PTPN2: variants seen among roughly 807,000 people sequenced by gnomAD.
The protein encoded by PTPN2 is protein tyrosine phosphatase non-receptor type 2.
PTPN2 carries 19 observed loss-of-function variants against 57.3 expected under a neutral mutation model. The ratio of observed to expected loss-of-function variants is 0.33; its 90% confidence interval spans 0.23 to 0.49. The LOEUF (loss-of-function observed/expected upper bound fraction) is 0.49, where lower values mean the gene tolerates loss of function less well. Among genes scored for constraint, PTPN2 ranks in the 20% least tolerant of loss-of-function variants. PTPN2 has a pLI of 0.99. For synonymous variants in PTPN2, 153 were observed against 164.9 expected (o/e 0.93, Z 0.55); for missense variants, 358 against 501.1 (o/e 0.71, Z 2.73).
intron 2 of PTPN2, among the ~76,000 whole-genome samples, chr18:12,854,506 G>A (rs1014611204): frequency 6.6e-6 from 1 of 152,194 alleles, no homozygotes; most frequent in Non-Finnish European, 1.5e-5. Flanking sequence ...TTATAAACAT[G>A]GGGAAAAGGA....
chr18:12,875,931 C>G lies in PTPN2; in HGVS notation c.69+8142G>C, dbSNP rs542181337. Among the ~76,000 whole-genome samples the G allele has an allele frequency of 5.3e-5, 8 of 152,296 alleles. No homozygotes were observed. The South Asian group carries it at 1.7e-3, about 32-fold the overall frequency. Reference sequence around the variant, plus strand: ...AAAAGTAAAAAGGGCTTTTAAGATTCTGGTTGGCCAAGCACTGTGGCTCCC... The same window carrying G: ...AAAAGTAAAAAGGGCTTTTAAGATTGTGGTTGGCCAAGCACTGTGGCTCCC... On this transcript the variant is annotated intron_variant, in intron 1 of 8. Coordinates refer to ENST00000309660, the MANE Select transcript of PTPN2 (RefSeq NM_002828.4).
chr18:12,850,909 T>G (rs1396445686), intron 2 of PTPN2, among the ~76,000 whole-genome samples: 2 of 152,108 alleles, frequency 1.3e-5, no homozygotes, highest in Non-Finnish European at 2.9e-5. Flanking sequence ...CTGGCTAATC[T>G]TTGTATTTTT....
In PTPN2 at chr18:12,793,179, T is replaced by C. The variant is rs1397068446; in HGVS notation, c.*1099A>G. The C allele has an allele frequency of 3.0e-6, 3 of 985,052 alleles. No individual in the cohort carries two copies. Among genetic ancestry groups the C allele is most frequent in the Non-Finnish European group, 3.6e-6 (3 of 829,600 alleles). 61.0% of individuals were successfully genotyped at this position (985,052 alleles called of 1,614,324 possible). A position where few individuals can be genotyped will look rare whatever the true frequency, so the allele number is the denominator to read the frequency against. On this transcript the variant is annotated 3_prime_UTR_variant, in exon 9 of 9. Transcript: ENST00000309660. ...TGTTGAAATCTGAGGAAAGCTAGCA[T>C]TCAAATGAGCAGTTAAATTCATTAA...
Position 12,817,282 on chromosome 18 carries a change from G to A in PTPN2, c.579C>T (p.Leu193=), listed in dbSNP as rs2145317459. 6.2e-7 allele frequency: 1 copy of A among 1,614,138 alleles called. No homozygotes were observed. Among genetic ancestry groups the A allele is most frequent in the South Asian group, 1.1e-5 (1 of 91,082 alleles). The change falls in exon 6 of 9, where the codon CTC becomes CTT. Residue 193 remains leucine (L), a synonymous_variant. Transcript: ENST00000309660. ...FGVPESPASF[L]NFLFKVRESG... ...ATTCTCTCACTTTAAACAAGAAATT[G>A]AGAAATGAAGCTGGTGATTCAGGGA...
intron 1 of PTPN2, among the ~76,000 whole-genome samples, chr18:12,881,138 C>G (rs1395299801): frequency 1.3e-5 from 2 of 152,176 alleles, no homozygotes; most frequent in African/African-American, 2.4e-5. Flanking sequence ...ATCTTGCTAA[C>G]AAGTAAATAT....
At chr18:12,827,030 G>A (rs1157445627) in intron 4 of PTPN2, among the ~76,000 whole-genome samples, 1 of 152,026 alleles carries the variant, frequency 6.6e-6, no homozygotes, top group Non-Finnish European at 1.5e-5. Flanking sequence ...TCAAACTCTT[G>A]CAATAATTTT....
chr18:12,799,578 CTTCT>C (rs2041329870), intron 8 of PTPN2, among the ~76,000 whole-genome samples: 1 of 148,360 alleles, frequency 6.7e-6, no homozygotes, highest in African/African-American at 2.6e-5. Flanking sequence ...ATCCTATGCT[CTTCT>C]TTTACATTTT....
At chr18:12,811,366 G>C (rs1034709418) in intron 7 of PTPN2, among the ~76,000 whole-genome samples, 2 of 152,018 alleles carry the variant, frequency 1.3e-5, no homozygotes, top group African/African-American at 2.4e-5. Flanking sequence ...CTTATAGCTG[G>C]ACAACACTCA....
chr18:12,878,563 G>C (rs1392004050), intron 1 of PTPN2, among the ~76,000 whole-genome samples: 1 of 151,944 alleles, frequency 6.6e-6, no homozygotes, highest in African/African-American at 2.4e-5. Flanking sequence ...CCAGCTACTC[G>C]GGAGGCTGAG....
chr18:12,813,527 G>C (rs1301100129), intron 7 of PTPN2, among the ~76,000 whole-genome samples: 2 of 152,274 alleles, frequency 1.3e-5, no homozygotes, highest in East Asian at 1.9e-4. Context: ...TCAGAGAAAT[G>C]AAAGTGCTAG....
At chr18:12,877,420 A>C (rs979825422) in intron 1 of PTPN2, among the ~76,000 whole-genome samples, 8 of 152,212 alleles carry the variant, frequency 5.3e-5, no homozygotes, top group African/African-American at 1.9e-4. Context: ...GTAGGCATGG[A>C]GTATATCCAA....
Position 12,875,085 on chromosome 18 carries a change from T to C in PTPN2, c.69+8988A>G, listed in dbSNP as rs537923356. Among the ~76,000 whole-genome samples, 267 of 152,260 alleles carry C rather than the reference T, an allele frequency of 1.8e-3. 1 individual carries two copies. The highest frequency in any genetic ancestry group is 3.0e-3 in the Non-Finnish European group (201 of 68,028). ...GATTAAGGGCAGTGCAAGATGTGCT[T>C]TGTTAAACAGATGCTTGAAGGCAGC... On this transcript the variant is annotated intron_variant, in intron 1 of 8. Coordinates refer to ENST00000309660, the MANE Select transcript of PTPN2 (RefSeq NM_002828.4).
chr18:12,878,309 C>T (rs1181868517), intron 1 of PTPN2, among the ~76,000 whole-genome samples: 3 of 146,484 alleles, frequency 2.0e-5, no homozygotes, highest in African/African-American at 7.6e-5. Flanking sequence ...AAAGTGAGAC[C>T]CAGTCTCAAA....
chr18:12,816,960 G>C (rs2042096872), intron 6 of PTPN2, among the ~76,000 whole-genome samples, 196 bp downstream of exon 6: 1 of 152,026 alleles, frequency 6.6e-6, no homozygotes, highest in African/African-American at 2.4e-5. Flanking sequence ...AAATCATCAT[G>C]GATACATTCC....
At chr18:12,870,267 A>G (rs1329594042) in intron 1 of PTPN2, among the ~76,000 whole-genome samples, 9 of 96,352 alleles carry the variant, frequency 9.3e-5, no homozygotes, top group South Asian at 3.9e-4. Flanking sequence ...GCATATATAT[A>G]TATATGTATA....
chr18:12,851,738 A>T (rs778437085), intron 2 of PTPN2, among the ~76,000 whole-genome samples: 4 of 152,212 alleles, frequency 2.6e-5, no homozygotes, highest in African/African-American at 4.8e-5. Context: ...AAAGCATAGA[A>T]GTTTTCCCTT....
chr18:12,855,132 A>G (rs916006105), intron 2 of PTPN2, among the ~76,000 whole-genome samples: 9 of 152,206 alleles, frequency 5.9e-5, no homozygotes, highest in Non-Finnish European at 1.3e-4. Context: ...CTACAGCTAC[A>G]GTGCTTTTAG....
At chr18:12,870,271 A>ATGCG (rs1555679395) in intron 1 of PTPN2, among the ~76,000 whole-genome samples, 3 of 93,388 alleles carry the variant, frequency 3.2e-5, no homozygotes, top group African/African-American at 1.9e-4. Context: ...ATATATATAT[A>ATGCG]TGTATATATA....
At chr18:12,790,444 A>C (rs1459651026), downstream of PTPN2, among the ~76,000 whole-genome samples, 1 of 152,328 alleles carries the variant, frequency 6.6e-6, no homozygotes, top group East Asian at 1.9e-4. Flanking sequence ...TTGCAGTTGC[A>C]GTCTTCCTTT....
Sources: gnomAD v4.1 joint callset for allele counts (sites outside exome capture counted in the v4.1 genomes callset) on GRCh38, gnomAD v4.1.1 for gene constraint, MANE v1.5 for transcripts, NCBI Gene and HGNC (gene_info 2026-07-23, HGNC 2026-07-21) for gene names.